The following ZFPM2 variants were observed in gnomAD, a reference collection of about 807,000 sequenced individuals.
The protein encoded by ZFPM2 is zinc finger protein ZFPM2.
A neutral mutation model predicts 98.6 loss-of-function variants in ZFPM2; 20 were observed. The ratio of observed to expected loss-of-function variants is 0.20; its 90% CI spans 0.14 to 0.29. The LOEUF (loss-of-function observed/expected upper bound fraction) is 0.29. ZFPM2 is among the 10% of genes least tolerant of loss of function. The pLI is 1.00. For synonymous variants in ZFPM2, 518 were observed against 502.7 expected (o/e 1.03, Z -0.41); for missense variants, 1,310 against 1,388.6 (o/e 0.94, Z 0.90).
At chr8:105,771,660 T>A (rs1185131993) in intron 5 of ZFPM2, among the ~76,000 whole-genome samples, 1 of 152,146 alleles carries the variant, frequency 6.6e-6, no homozygotes, top group Non-Finnish European at 1.5e-5. Context: ...TTCATTCCCC[T>A]AAGATCACCC....
At chr8:105,691,919 T>A (rs1459416149) in intron 5 of ZFPM2, among the ~76,000 whole-genome samples, 5 of 152,220 alleles carry the variant, frequency 3.3e-5, no homozygotes, top group Non-Finnish European at 5.9e-5. Context: ...TTAAAAACTA[T>A]AAAAATACAA....
Position 105,796,017 on chromosome 8 carries a change from G to A in ZFPM2, c.740-2707G>A, listed in dbSNP as rs1383529490. 3 of 194,554 alleles carry A rather than the reference G, an allele frequency of 1.5e-5. No homozygotes were observed. The Admixed American group carries it at 1.8e-4, about 12-fold the overall frequency. 12.1% of individuals were successfully genotyped at this position (194,554 alleles called of 1,614,324 possible). The stretch of plus-strand genomic sequence containing the variant: ...TGATATTAAAATAAAATATTTAACT[G>A]TAATTAGATTCTTGCTGTAATATCA... On this transcript the variant is annotated intron_variant, in intron 6 of 7. Transcript: ENST00000407775.
chr8:105,383,595 C>A (rs1810929026), intron 1 of ZFPM2, among the ~76,000 whole-genome samples: 1 of 152,014 alleles, frequency 6.6e-6, no homozygotes, highest in Admixed American at 6.5e-5. Flanking sequence ...CTTGTAATTG[C>A]ATAGTTCTTT....
At chr8:105,770,180 T>C (rs1391073067) in intron 5 of ZFPM2, among the ~76,000 whole-genome samples, 2 of 152,038 alleles carry the variant, frequency 1.3e-5, no homozygotes, top group East Asian at 3.9e-4. Context: ...ATTTGCACAA[T>C]TCTAACATAT....
At chr8:105,499,416 G>C (rs1430551837) in intron 3 of ZFPM2, among the ~76,000 whole-genome samples, 1 of 152,080 alleles carries the variant, frequency 6.6e-6, no homozygotes, top group East Asian at 1.9e-4. Flanking sequence ...CACATTCTAA[G>C]AATTTCCTTA....
At chr8:105,596,739 C>CTTT (rs910632602) in intron 4 of ZFPM2, among the ~76,000 whole-genome samples, 119 of 58,854 alleles carry the variant, frequency 2.0e-3, no homozygotes, top group Non-Finnish European at 2.6e-3. Flanking sequence ...CCTTTGTCTG[C>CTTT]TTTTTTTTTT....
At chr8:105,711,295 A>G (rs1365179743) in intron 5 of ZFPM2, among the ~76,000 whole-genome samples, 1 of 152,052 alleles carries the variant, frequency 6.6e-6, no homozygotes, top group African/African-American at 2.4e-5. Flanking sequence ...TTGCTATCTT[A>G]TATTCCTCTT....
chr8:105,734,885 T>G (rs866083772), intron 5 of ZFPM2, among the ~76,000 whole-genome samples: 44 of 151,530 alleles, frequency 2.9e-4, no homozygotes, highest in African/African-American at 1.0e-3. Flanking sequence ...GGCTTATAAT[T>G]TTTGCACTTA....
chr8:105,609,467 T>G (rs1816261496), intron 4 of ZFPM2, among the ~76,000 whole-genome samples: 2 of 152,166 alleles, frequency 1.3e-5, no homozygotes, highest in Non-Finnish European at 2.9e-5. Flanking sequence ...GAACCTTGAA[T>G]GTAATGATGT....
At chr8:105,465,138 A>G (rs2130320692) in intron 3 of ZFPM2, among the ~76,000 whole-genome samples, 1 of 148,996 alleles carries the variant, frequency 6.7e-6, no homozygotes, top group East Asian at 1.9e-4. Flanking sequence ...GGAAAACTGG[A>G]AAAAAAAAAT....
At chr8:105,413,891 AG>A (rs2130052322) in intron 1 of ZFPM2, among the ~76,000 whole-genome samples, 1 of 152,110 alleles carries the variant, frequency 6.6e-6, no homozygotes, top group South Asian at 2.1e-4. Flanking sequence ...TGGAATAAAA[AG>A]GTTTGGAAAT....
At chr8:105,526,242 T>G (rs1814170572) in intron 3 of ZFPM2, among the ~76,000 whole-genome samples, 1 of 152,146 alleles carries the variant, frequency 6.6e-6, no homozygotes, top group African/African-American at 2.4e-5. Context: ...TATTCCAAAT[T>G]AATATACAAA....
chr8:105,489,662 C>T (rs1813319094), intron 3 of ZFPM2, among the ~76,000 whole-genome samples: 2 of 151,114 alleles, frequency 1.3e-5, no homozygotes, highest in African/African-American at 4.9e-5. Flanking sequence ...TGGAGTTTCA[C>T]CATGTTGGCC....
Position 105,802,155 on chromosome 8 carries a change from T to C in ZFPM2, c.2073T>C (p.Ala691=). The change falls in exon 8 of 8, where the codon GCT becomes GCC. Residue 691 remains alanine, a synonymous_variant. Transcript: ENST00000407775. ...ESDPNKTTCE[A]CNITFSRHET... is the part of the protein sequence containing the mutation. ...ACCCAAATAAGACTACCTGTGAAGC[T>C]TGCAACATTACCTTCAGCCGGCACG... 6.2e-7 allele frequency: 1 copy of C among 1,613,926 alleles called. No homozygotes were observed. The highest frequency in any genetic ancestry group is 1.3e-5 in the African/African-American group (1 of 75,046).
chr8:105,717,515 T>C (rs1811552877), intron 5 of ZFPM2, among the ~76,000 whole-genome samples: 1 of 151,988 alleles, frequency 6.6e-6, no homozygotes, highest in Non-Finnish European at 1.5e-5. Flanking sequence ...TAGCTTTTTC[T>C]ATGGCCTCCA....
At chr8:105,402,545 G>C (rs1811361143) in intron 1 of ZFPM2, among the ~76,000 whole-genome samples, 1 of 151,760 alleles carries the variant, frequency 6.6e-6, no homozygotes, top group African/African-American at 2.4e-5. Context: ...GGATCCTTTG[G>C]CTTCTTTTCA....
intron 1 of ZFPM2, among the ~76,000 whole-genome samples, chr8:105,351,869 T>C (rs1018620916): frequency 2.0e-5 from 3 of 152,192 alleles, no homozygotes; most frequent in Non-Finnish European, 2.9e-5. Flanking sequence ...CTTTCGATAT[T>C]TAATCAATGG....
intron 3 of ZFPM2, among the ~76,000 whole-genome samples, chr8:105,556,155 A>G (rs904826821): frequency 5.3e-5 from 8 of 152,170 alleles, no homozygotes; most frequent in Non-Finnish European, 1.0e-4. Context: ...TTGGAGCTGT[A>G]GAATGAATTG....
At chr8:105,469,043 A>G (rs1812847711) in intron 3 of ZFPM2, among the ~76,000 whole-genome samples, 1 of 151,986 alleles carries the variant, frequency 6.6e-6, no homozygotes, top group Admixed American at 6.6e-5. Context: ...TAGGGGGAAA[A>G]GTGATGGGGC....
Sources: allele counts gnomAD v4.1 joint callset (sites outside exome capture counted in the v4.1 genomes callset), GRCh38; gene constraint gnomAD v4.1.1; transcripts MANE v1.5; gene names NCBI Gene and HGNC (gene_info 2026-07-23, HGNC 2026-07-21).